Variants in AKAP12 observed in about 807,000 individuals in gnomAD.
AKAP12 encodes A-kinase anchor protein 12.
AKAP12 carries 32 observed loss-of-function variants against 79.9 expected under a neutral mutation model. The observed-to-expected ratio is 0.40, with a 90% confidence interval of 0.30 to 0.54. The LOEUF (loss-of-function observed/expected upper bound fraction) is 0.54, where lower values mean the gene tolerates loss of function less well. AKAP12 is among the 20% of genes least tolerant of loss of function. The pLI is 0.48. For missense variants in AKAP12, 2,074 were observed against 2,177.0 expected (o/e 0.95, Z 0.94); for synonymous variants, 808 against 857.0 (o/e 0.94, Z 1.00).
intron 2 of AKAP12, among the ~76,000 whole-genome samples, chr6:151,293,954 C>T (rs950547593): frequency 7.3e-5 from 11 of 151,544 alleles, no homozygotes; most frequent in African/African-American, 2.7e-4. Context: ...TAAAATTCTT[C>T]AGGTTCAACC....
intron 3 of AKAP12, among the ~76,000 whole-genome samples, chr6:151,321,329 G>A (rs1391639456): frequency 2.6e-5 from 4 of 152,166 alleles, no homozygotes; most frequent in South Asian, 4.1e-4. Context: ...ATCCTGGTTA[G>A]CTGTCACTCC....
At chr6:151,245,048 C>T (rs1797044008) in intron 2 of AKAP12, among the ~76,000 whole-genome samples, 1 of 152,124 alleles carries the variant, frequency 6.6e-6, no homozygotes, top group Non-Finnish European at 1.5e-5. Context: ...TAAGATTATT[C>T]TAGTTTGGAT....
intron 2 of AKAP12, among the ~76,000 whole-genome samples, chr6:151,255,986 A>G (rs1463790764): frequency 6.6e-6 from 1 of 152,064 alleles, no homozygotes; most frequent in African/African-American, 2.4e-5. Flanking sequence ...AAACATGCTC[A>G]TGTACCAGGT....
At chr6:151,325,132 T>C (rs992058325) in intron 3 of AKAP12, 2 of 985,324 alleles carry the variant, frequency 2.0e-6, no homozygotes, top group African/African-American at 3.5e-5. Context: ...GAAACAGCAC[T>C]ACTGAGAGTT....
In AKAP12 at chr6:151,341,856, C is replaced by G. The variant is rs1054425854; in HGVS notation, c.320-6855C>G. 4 of 1,207,040 alleles carry G rather than the reference C, an allele frequency of 3.3e-6. No homozygotes were observed. The African/African-American group carries it at 4.7e-5, about 14-fold the overall frequency. The allele number at this position is 1,207,040 out of a possible 1,614,324, so 74.8% of individuals were successfully genotyped here. A position where few individuals can be genotyped will look rare whatever the true frequency, so the allele number is the denominator to read the frequency against. ...GGGAAAGCCTCTCTACTGGCCAAGG[C>G]GCGCAGGGACAGGTCGGGAAGGGCC... On this transcript the variant is annotated intron_variant, in intron 3 of 4. Transcript: ENST00000402676.
chr6:151,325,776 G>A, intron 3 of AKAP12: 1 of 1,609,698 alleles, frequency 6.2e-7, no homozygotes, highest in Non-Finnish European at 8.5e-7. Flanking sequence ...AACCACCTGC[G>A]GTTGGCAGGC....
chr6:151,319,537 T>TAG (rs1777323511), intron 3 of AKAP12: 1 of 79,426 alleles, frequency 1.3e-5, no homozygotes, highest in East Asian at 5.5e-4. Flanking sequence ...GATATATATA[T>TAG]ATAGATATAG....
chr6:151,252,575 C>A (rs1424754833), intron 2 of AKAP12, among the ~76,000 whole-genome samples: 1 of 151,594 alleles, frequency 6.6e-6, no homozygotes, highest in East Asian at 1.9e-4. Flanking sequence ...CAGGTGGAAC[C>A]AAAGTGAGTC....
At chr6:151,300,196 A>T (rs1020581359) in intron 2 of AKAP12, among the ~76,000 whole-genome samples, 21 of 152,136 alleles carry the variant, frequency 1.4e-4, no homozygotes, top group African/African-American at 5.1e-4. Flanking sequence ...TGGGATTTAA[A>T]ATTCCTTCCA....
chr6:151,322,047 T>C (rs896138893), intron 3 of AKAP12, among the ~76,000 whole-genome samples: 2 of 151,702 alleles, frequency 1.3e-5, no homozygotes, highest in African/African-American at 4.8e-5. Context: ...GTAGCTGGGA[T>C]TACAGGCGCC....
chr6:151,250,989 A>G (rs1797163091), intron 2 of AKAP12, among the ~76,000 whole-genome samples: 2 of 152,186 alleles, frequency 1.3e-5, no homozygotes. Context: ...ACCCTTGAAC[A>G]CCTCATAATT....
chr6:151,352,287 T>C lies in AKAP12; in HGVS notation c.3896T>C (p.Val1299Ala). The C allele has an allele frequency of 6.2e-7, 1 of 1,614,082 alleles. No homozygotes were observed. Among genetic ancestry groups the C allele is most frequent in the Non-Finnish European group, 8.5e-7 (1 of 1,180,020 alleles). Residue 1299 changes from valine (V) to alanine (A), a missense_variant, in exon 4 of 5, where the codon GTC (valine) becomes GCC (alanine). Physicochemically the swap from Val to Ala is moderately conservative, Grantham distance 64. Around this residue, in one of 3 missense-constraint regions of AKAP12, gnomAD observed 614 missense variants for 665.6 expected, o/e 0.92. Transcript: ENST00000402676. ...GGCATAACAGTCAGTCGGGAAAAGG[T>C]CACTGAAGTTGCCCTTAAAGGTGAA... Reference protein sequence around the residue: ...DTGITVSREKVTEVALKGEGT... With the variant: ...DTGITVSREKATEVALKGEGT...
chr6:151,289,400 T>G (rs1342951376), intron 2 of AKAP12, among the ~76,000 whole-genome samples: 2 of 152,228 alleles, frequency 1.3e-5, no homozygotes, highest in Non-Finnish European at 2.9e-5. Context: ...TAGTGAATAT[T>G]CTGACCAGCC....
rs55685824 is a variant in AKAP12 at position 151,312,793 on chromosome 6, C to CAAA, written c.319+6906_319+6908dup. ...GGCTACAAGAGGGAGACTCTGTCTC[C>CAAA]AAAAAAAAAAAAAAAAAAGAATCAT... On this transcript the variant is annotated intron_variant, in intron 3 of 4. Coordinates refer to ENST00000402676, the MANE Select transcript of AKAP12 (RefSeq NM_005100.4). Among the ~76,000 whole-genome samples the CAAA allele has an allele frequency of 4.6e-3, 339 of 72,974 alleles. 10 individuals carry two copies. Among genetic ancestry groups the CAAA allele is most frequent in the African/African-American group, 0.018 (320 of 18,146 alleles). 47.9% of individuals were successfully genotyped at this position (72,974 alleles called of 152,430 possible). A position where few individuals can be genotyped will look rare whatever the true frequency, so the allele number is the denominator to read the frequency against.
intron 3 of AKAP12, among the ~76,000 whole-genome samples, chr6:151,310,369 A>C (rs1039849696): frequency 1.3e-5 from 2 of 152,094 alleles, no homozygotes; most frequent in African/African-American, 4.8e-5. Context: ...CATCTCAAAA[A>C]AAAAACAAAA....
chr6:151,342,810 T>A (rs1777986744), intron 3 of AKAP12, among the ~76,000 whole-genome samples: 1 of 152,214 alleles, frequency 6.6e-6, no homozygotes, highest in Admixed American at 6.5e-5. Flanking sequence ...TCGCCCAGGC[T>A]GGAGTGCAGT....
At chr6:151,251,404 G>A (rs1797171839) in intron 2 of AKAP12, among the ~76,000 whole-genome samples, 1 of 152,150 alleles carries the variant, frequency 6.6e-6, no homozygotes, top group Non-Finnish European at 1.5e-5. Flanking sequence ...GTGACTTCAG[G>A]GAGATTATGT....
In AKAP12 at chr6:151,311,521, C is replaced by T. The variant is rs183955532; in HGVS notation, c.319+5618C>T. Among the ~76,000 whole-genome samples the T allele has an allele frequency of 5.6e-4, 86 of 152,254 alleles. 1 individual carries two copies. The East Asian group carries it at 0.014, about 25-fold the overall frequency. On this transcript the variant is annotated intron_variant, in intron 3 of 4. Transcript: ENST00000402676. ...ACCAGCTGTGATCACACCCCCCACC[C>T]CCGGGGAAAAATGAGAAACAAAAAC... is the stretch of plus-strand genomic sequence containing the variant.
chr6:151,325,557 C>T (rs936070327), intron 3 of AKAP12: 5 of 1,274,582 alleles, frequency 3.9e-6, no homozygotes, highest in African/African-American at 1.5e-5. Flanking sequence ...GAAGTTTGCG[C>T]TCCCGAAGTC....
Sources: gnomAD v4.1 joint callset for allele counts (sites outside exome capture counted in the v4.1 genomes callset) on GRCh38, gnomAD v4.1.1 for gene constraint, gnomAD v4.1.1 regional missense constraint, MANE v1.5 for transcripts, NCBI Gene and HGNC (gene_info 2026-07-23, HGNC 2026-07-21) for gene names.